Variants in SCAF8 observed in about 807,000 individuals in gnomAD.
The protein encoded by SCAF8 is SR-related CTD associated factor 8, also known as SR-related and CTD-associated factor 8.
SCAF8 carries 23 observed loss-of-function variants against 140.5 expected under a neutral mutation model. The ratio of observed to expected loss-of-function variants is 0.16; its 90% CI spans 0.12 to 0.23. The LOEUF (loss-of-function observed/expected upper bound fraction) is 0.23. Among genes scored for constraint, SCAF8 ranks in the 10% least tolerant of loss-of-function variants. The pLI is 1.00. For missense variants in SCAF8, 1,397 were observed against 1,555.7 expected (o/e 0.90, Z 1.72); for synonymous variants, 575 against 528.9 (o/e 1.09, Z -1.20).
chr6:154,816,858 A>C (rs530118245), intron 13 of SCAF8, among the ~76,000 whole-genome samples: 1 of 152,272 alleles, frequency 6.6e-6, no homozygotes, highest in Admixed American at 6.5e-5. Context: ...TTGGAGCCTC[A>C]TAAGAAGCTG....
intron 1 of SCAF8, among the ~76,000 whole-genome samples, chr6:154,760,722 G>A (rs1776358429): frequency 6.7e-6 from 1 of 149,844 alleles, no homozygotes; most frequent in African/African-American, 2.5e-5. Context: ...TGTTTTTTTT[G>A]TATTTTCCAA....
chr6:154,810,287 A>G, intron 12 of SCAF8, 79 bp downstream of exon 12: 1 of 1,061,120 alleles, frequency 9.4e-7, no homozygotes, highest in Non-Finnish European at 1.3e-6. Flanking sequence ...TCTCTCAGCC[A>G]AATTTTATTT....
At chr6:154,813,768 A>G (rs1778163568) in intron 12 of SCAF8, among the ~76,000 whole-genome samples, 1 of 152,196 alleles carries the variant, frequency 6.6e-6, no homozygotes, top group African/African-American at 2.4e-5. Flanking sequence ...CGGGTACATA[A>G]GAGGGAAGCA....
At chr6:154,808,619 A>C (rs1583054787) in intron 10 of SCAF8, 67 bp from the exon 11 acceptor site, 2 of 1,023,050 alleles carry the variant, frequency 2.0e-6, no homozygotes, top group African/African-American at 3.2e-5. Flanking sequence ...TTAAAAACAG[A>C]ATTGTCAATG....
chr6:154,824,260 A>G lies in SCAF8; in HGVS notation c.1953A>G (p.Thr651=), dbSNP rs370192090. The G allele has an allele frequency of 1.3e-5, 21 of 1,613,878 alleles. No individual in the cohort carries two copies. The highest frequency in any genetic ancestry group is 1.6e-5 in the Non-Finnish European group (19 of 1,179,888). Reference sequence around the variant, plus strand: ...TTCCAGTGGCGCCAGCCGTGCCTACAGTTAGTTTAGTCCCACCAGCATTTC... The same window carrying G: ...TTCCAGTGGCGCCAGCCGTGCCTACGGTTAGTTTAGTCCCACCAGCATTTC... ...LQIPVAPAVP[T]VSLVPPAFPV... Residue 651 remains threonine (T), a synonymous_variant, in exon 17 of 20, where the codon ACA becomes ACG. Transcript: ENST00000367178.
At position 154,832,493 on chromosome 6, in the gene SCAF8, C is replaced by T. The variant is rs1232027053; in HGVS notation, c.2914C>T (p.Pro972Ser). Reference sequence around the variant, plus strand: ...TCCACCACCCCGTGGACCTTTTCCTCCAGGAGATATTTTTAGTCAACCAGA... The same window carrying T: ...TCCACCACCCCGTGGACCTTTTCCTTCAGGAGATATTTTTAGTCAACCAGA... ...LHPPPRGPFP[P>S]GDIFSQPERP... The change falls in exon 20 of 20, where the codon CCA becomes TCA. Residue 972 changes from proline to serine, a missense_variant. By Grantham distance (74) the Pro-to-Ser change is moderately conservative. Coordinates refer to ENST00000367178, the MANE Select transcript of SCAF8 (RefSeq NM_014892.5). 4 of 1,613,752 alleles carry T rather than the reference C, an allele frequency of 2.5e-6. No individual in the cohort carries two copies. The Admixed American group carries it at 5.0e-5, about 20-fold the overall frequency.
intron 1 of SCAF8, among the ~76,000 whole-genome samples, chr6:154,739,994 C>CT (rs894282436): frequency 1.4e-4 from 21 of 152,090 alleles, no homozygotes; most frequent in African/African-American, 5.1e-4. Flanking sequence ...CTGCATTTGT[C>CT]TTTTATTTTC....
chr6:154,784,141 A>C (rs1274123030), intron 3 of SCAF8, among the ~76,000 whole-genome samples: 1 of 87,698 alleles, frequency 1.1e-5, no homozygotes, highest in Non-Finnish European at 2.2e-5. Context: ...ATATATATAT[A>C]TATATATATA....
chr6:154,802,635 T>C (rs1427001375), intron 7 of SCAF8, among the ~76,000 whole-genome samples: 2 of 152,020 alleles, frequency 1.3e-5, no homozygotes, highest in Admixed American at 6.6e-5. Flanking sequence ...AAAAATTTTT[T>C]TTGAAACATT....
chr6:154,814,660 A>G (rs1305148322), intron 12 of SCAF8, among the ~76,000 whole-genome samples: 1 of 152,230 alleles, frequency 6.6e-6, no homozygotes, highest in Non-Finnish European at 1.5e-5. Context: ...AAATGTGGAC[A>G]TTGACATAAA....
intron 3 of SCAF8, 34 bp downstream of exon 3, chr6:154,778,079 T>A: frequency 7.9e-7 from 1 of 1,261,538 alleles, no homozygotes; most frequent in Non-Finnish European, 1.1e-6. Context: ...TGTGCTGTAA[T>A]TGTAGATTAA....
At chr6:154,819,287 A>AT (rs1460761990) in intron 14 of SCAF8, among the ~76,000 whole-genome samples, 3 of 152,106 alleles carry the variant, frequency 2.0e-5, no homozygotes, top group Non-Finnish European at 2.9e-5. Flanking sequence ...GGAATAAAAG[A>AT]TTTTTTCTAA....
intron 18 of SCAF8, among the ~76,000 whole-genome samples, chr6:154,828,328 AT>A (rs1242699689): frequency 1.3e-5 from 2 of 151,860 alleles, no homozygotes; most frequent in East Asian, 3.9e-4. Flanking sequence ...GGTAGATGCT[AT>A]TTTTTTCTTT....
intron 3 of SCAF8, among the ~76,000 whole-genome samples, chr6:154,785,684 A>ATTAT (rs10644542): frequency 0.61 from 92,955 of 151,732 alleles, 31,487 homozygotes; most frequent in East Asian, 0.91. Context: ...AAATAGGATA[A>ATTAT]TTAAGGTGTA....
Position 154,832,890 on chromosome 6 carries a change from A to G in SCAF8, c.3311A>G (p.His1104Arg), listed in dbSNP as rs189979052. 4.0e-5 allele frequency: 64 copies of G among 1,614,098 alleles called. No individual in the cohort carries two copies. In the Admixed American group the frequency reaches 1.0e-3, roughly 26 times the overall value. The change falls in exon 20 of 20, where the codon CAT (histidine) becomes CGT (arginine). Residue 1104 changes from histidine (H) to arginine (R), a missense_variant. His to Arg is a conservative substitution (Grantham distance 29, BLOSUM62 0). Coordinates refer to ENST00000367178, the MANE Select transcript of SCAF8 (RefSeq NM_014892.5). ...AGAGGAGATTTTGATGAGAGAGAGCATCGGGTTCTACCGGTCTATGGTGGT... is the reference window on the plus strand; with the variant it reads ...AGAGGAGATTTTGATGAGAGAGAGCGTCGGGTTCTACCGGTCTATGGTGGT... The part of the protein sequence containing the change: ...GHRGDFDERE[H>R]RVLPVYGGPK...
intron 12 of SCAF8, among the ~76,000 whole-genome samples, chr6:154,815,493 A>G (rs1778223354): frequency 6.6e-6 from 1 of 152,172 alleles, no homozygotes; most frequent in Admixed American, 6.5e-5. Flanking sequence ...CAAGCTTGAA[A>G]ACAGGTGACA....
chr6:154,734,099 C>T (rs550392643), intron 1 of SCAF8, among the ~76,000 whole-genome samples, 169 bp downstream of exon 1: 1 of 152,168 alleles, frequency 6.6e-6, no homozygotes, highest in Non-Finnish European at 1.5e-5. Context: ...GTGCCCCTCC[C>T]CCGGGTCCGG....
chr6:154,764,316 T>C (rs1170785133), intron 1 of SCAF8, among the ~76,000 whole-genome samples: 3 of 151,966 alleles, frequency 2.0e-5, no homozygotes, highest in African/African-American at 2.4e-5. Flanking sequence ...CTCTGTTGTT[T>C]AGTATATTTT....
chr6:154,777,369 C>CT (rs2114851381), intron 2 of SCAF8, among the ~76,000 whole-genome samples: 1 of 152,236 alleles, frequency 6.6e-6, no homozygotes, highest in East Asian at 1.9e-4. Flanking sequence ...CTTAAATCTT[C>CT]TAAGTTTTCT....
Sources: gnomAD v4.1 joint callset for allele counts (sites outside exome capture counted in the v4.1 genomes callset) on GRCh38, gnomAD v4.1.1 for gene constraint, MANE v1.5 for transcripts, NCBI Gene and HGNC (gene_info 2026-07-23, HGNC 2026-07-21) for gene names.